The following DGKE variants were observed in gnomAD, a reference collection of about 807,000 sequenced individuals.
DGKE encodes the protein diacylglycerol kinase epsilon, also known as DAG kinase epsilon.
Under a neutral mutation model 70.0 loss-of-function variants are expected in DGKE, and 53 were observed. The ratio of observed to expected loss-of-function variants is 0.76; its 90% CI spans 0.61 to 0.95. The LOEUF (loss-of-function observed/expected upper bound fraction) is 0.95. Among genes scored for constraint, DGKE ranks in the 40% least tolerant of loss-of-function variants. DGKE has a pLI of 0.00. For synonymous variants in DGKE, 291 were observed against 257.0 expected (o/e 1.13, Z -1.27); for missense variants, 655 against 706.9 (o/e 0.93, Z 0.83).
intron 7 of DGKE, among the ~76,000 whole-genome samples, chr17:56,853,048 G>T (rs1159295411): frequency 1.3e-5 from 2 of 152,138 alleles, no homozygotes; most frequent in Non-Finnish European, 2.9e-5. Context: ...GATTTCAGAT[G>T]TTCATATTAG....
Position 56,866,787 on chromosome 17 carries a change from T to C in DGKE, c.*3996T>C, listed in dbSNP as rs979663770. On this transcript the variant is annotated 3_prime_UTR_variant, in exon 12 of 12. Coordinates refer to ENST00000284061, the MANE Select transcript of DGKE (RefSeq NM_003647.3). ...TGTATACTGAGTGCTGCTTCAGATC[T>C]CAGTAGATAAAATAATTCCACATTT... 5.9e-5 allele frequency: 9 copies of C among 152,256 alleles called. No individual in the cohort carries two copies. Among genetic ancestry groups the C allele is most frequent in the Admixed American group, 3.9e-4 (6 of 15,280 alleles). The allele number at this position is 152,256 out of a possible 1,614,324, so 9.4% of individuals were successfully genotyped here.
chr17:56,855,820 A>G (rs575876599), intron 7 of DGKE, among the ~76,000 whole-genome samples: 1 of 152,112 alleles, frequency 6.6e-6, no homozygotes, highest in Non-Finnish European at 1.5e-5. Context: ...CCTGGCCAAC[A>G]TGGTGAAACC....
intron 10 of DGKE, 101 bp from the exon 11 acceptor site, chr17:56,862,038 AT>A: frequency 1.3e-6 from 2 of 1,531,776 alleles, no homozygotes; most frequent in Non-Finnish European, 1.8e-6. Context: ...AGTTATAAAT[AT>A]TTTTTAAGTT....
chr17:56,835,227 G>A lies in DGKE; in HGVS notation c.432G>A (p.Gln144=). ...LCSYCMVCKQ[Q]CGCQPKLCDY... Reference sequence around the variant, plus strand: ...GTTACTGTATGGTTTGCAAGCAGCAGTGTGGCTGTCAACCCAAGCTTTGCG... The same window carrying A: ...GTTACTGTATGGTTTGCAAGCAGCAATGTGGCTGTCAACCCAAGCTTTGCG... The change falls in exon 2 of 12, where the codon CAG becomes CAA. Residue 144 remains glutamine, a synonymous_variant. Transcript: ENST00000284061. 1 of 1,613,134 alleles carries A rather than the reference G, an allele frequency of 6.2e-7. No individual in the cohort carries two copies. The highest frequency in any genetic ancestry group is 8.5e-7 in the Non-Finnish European group (1 of 1,179,848).
In DGKE at chr17:56,863,566, C is replaced by T. The variant is rs886919416; in HGVS notation, c.*775C>T. 1 of 152,080 alleles carries T rather than the reference C, an allele frequency of 6.6e-6. No individual in the cohort carries two copies. Among genetic ancestry groups the T allele is most frequent in the African/African-American group, 2.4e-5 (1 of 41,406 alleles). The allele number at this position is 152,080 out of a possible 1,614,324, so 9.4% of individuals were successfully genotyped here. On this transcript the variant is annotated 3_prime_UTR_variant, in exon 12 of 12. Coordinates refer to ENST00000284061, the MANE Select transcript of DGKE (RefSeq NM_003647.3). The stretch of plus-strand genomic sequence containing the variant: ...GTTCTGAGCTGAACTGTTTATCAGC[C>T]GCTCTTTTTATTAAAAGACAGTGTC...
chr17:56,862,375 G>A (rs981127798), intron 11 of DGKE, 124 bp downstream of exon 11: 1 of 995,432 alleles, frequency 1.0e-6, no homozygotes, highest in Non-Finnish European at 1.5e-6. Context: ...GCTGGTCACT[G>A]TACACTAGCG....
chr17:56,855,986 A>G (rs908289531), intron 7 of DGKE, among the ~76,000 whole-genome samples: 9 of 146,740 alleles, frequency 6.1e-5, no homozygotes, highest in African/African-American at 2.3e-4. Flanking sequence ...AGCCAGGGCG[A>G]CAGTCCGAGA....
chr17:56,856,990 C>G (rs1041478484), intron 8 of DGKE, among the ~76,000 whole-genome samples: 2 of 151,760 alleles, frequency 1.3e-5, no homozygotes, highest in Admixed American at 1.3e-4. Flanking sequence ...CCCAGCCACT[C>G]GGGAGGCTGA....
At chr17:56,843,814 A>AAAAAAGG (rs1567812776) in intron 2 of DGKE, among the ~76,000 whole-genome samples, 2 of 151,498 alleles carry the variant, frequency 1.3e-5, no homozygotes, top group East Asian at 1.9e-4. Flanking sequence ...AAAAAAAAAA[A>AAAAAAGG]GTGCTGTTAG....
At chr17:56,838,745 T>G (rs551066968) in intron 2 of DGKE, 26 of 152,332 alleles carry the variant, frequency 1.7e-4, no homozygotes, top group Non-Finnish European at 2.8e-4. Context: ...ATTCCATATT[T>G]TCATATGAAG....
chr17:56,836,351 A>G (rs191393678), intron 2 of DGKE: 2 of 152,370 alleles, frequency 1.3e-5, no homozygotes, highest in Admixed American at 1.3e-4. Flanking sequence ...ATTCTAGACA[A>G]CTACAAAGTT....
chr17:56,842,358 AT>A, intron 2 of DGKE, among the ~76,000 whole-genome samples: 1 of 152,324 alleles, frequency 6.6e-6, no homozygotes, highest in Non-Finnish European at 1.5e-5. Flanking sequence ...TAAAAACTTA[AT>A]ATTCTTCCCA....
intron 9 of DGKE, 99 bp downstream of exon 9, chr17:56,858,764 C>A: frequency 1.1e-6 from 1 of 908,900 alleles, no homozygotes; most frequent in South Asian, 1.8e-5. Context: ...ATATATTTTG[C>A]CAGCATACAT....
In DGKE at chr17:56,858,668, A is replaced by G. The variant is rs764365359; in HGVS notation, c.1284+3A>G. On this transcript the variant is annotated splice_donor_region_variant and intron_variant, in intron 9 of 11. Coordinates refer to ENST00000284061, the MANE Select transcript of DGKE (RefSeq NM_003647.3). Reference sequence around the variant, plus strand: ...AAGATTTGAATAAAAAAGTTGAGGTAAGCTATTAACACTTTTTATTTTTTA... The same window carrying G: ...AAGATTTGAATAAAAAAGTTGAGGTGAGCTATTAACACTTTTTATTTTTTA... The G allele has an allele frequency of 6.3e-7, 1 of 1,594,242 alleles. No individual in the cohort carries two copies. The highest frequency in any genetic ancestry group is 1.1e-5 in the South Asian group (1 of 87,818).
intron 6 of DGKE, 57 bp downstream of exon 6, chr17:56,848,910 C>T (rs1388230324): frequency 6.2e-7 from 1 of 1,604,612 alleles, no homozygotes; most frequent in East Asian, 2.2e-5. Flanking sequence ...AATTGGTTAA[C>T]AAGTGAAGAC....
In DGKE at chr17:56,868,182, C is replaced by G. The variant is rs1249578374; in HGVS notation, c.*5391C>G. On this transcript the variant is annotated 3_prime_UTR_variant, in exon 12 of 12. Coordinates refer to ENST00000284061, the MANE Select transcript of DGKE (RefSeq NM_003647.3). ...TGTCCAGGCAAGAGGGCATCCTGAT[C>G]AGATGAGTAGATTTGGCTGAGAAAA... 6.6e-6 allele frequency: 1 copy of G among 152,252 alleles called. No individual in the cohort carries two copies. Among genetic ancestry groups the G allele is most frequent in the Non-Finnish European group, 1.5e-5 (1 of 68,052 alleles). The allele number at this position is 152,252 out of a possible 1,614,324, so 9.4% of individuals were successfully genotyped here. A position where few individuals can be genotyped will look rare whatever the true frequency, so the allele number is the denominator to read the frequency against.
rs1490094502 is a variant in DGKE, at chr17:56,843,977, A to T, written c.465-42A>T. 3 of 1,503,490 alleles carry T rather than the reference A, an allele frequency of 2.0e-6. No individual in the cohort carries two copies. The East Asian group carries it at 7.7e-5, about 38-fold the overall frequency. 93.1% of individuals were successfully genotyped at this position (1,503,490 alleles called of 1,614,324 possible). On this transcript the variant is annotated intron_variant, in intron 2 of 11. Transcript: ENST00000284061. ...TGTTTTGTGGGTTATCATTGAGATT[A>T]TGGTTTAAAATTAGTTAATGCTTGT...
chr17:56,834,945 C>T lies in DGKE; in HGVS notation c.150C>T (p.His50=). 6.2e-7 allele frequency: 1 copy of T among 1,613,284 alleles called. No individual in the cohort carries two copies. The highest frequency in any genetic ancestry group is 8.5e-7 in the Non-Finnish European group (1 of 1,179,936). ...CSLQRSRRQL[H]RRDIFRKSKH... is the part of the protein sequence containing the mutation. ...TCCAGCGGTCGCGCCGGCAGCTGCA[C>T]CGCAGGGACATCTTCCGCAAGAGCA... The change falls in exon 2 of 12, where the codon CAC becomes CAT. Residue 50 remains histidine (H), a synonymous_variant. Transcript: ENST00000284061.
chr17:56,854,209 A>C (rs1907812864), intron 7 of DGKE, among the ~76,000 whole-genome samples: 1 of 152,162 alleles, frequency 6.6e-6, no homozygotes, highest in Non-Finnish European at 1.5e-5. Context: ...AATAGGTACA[A>C]AGTTTTAGTT....
Sources: allele counts gnomAD v4.1 joint callset (sites outside exome capture counted in the v4.1 genomes callset), GRCh38; gene constraint gnomAD v4.1.1; transcripts MANE v1.5; gene names NCBI Gene and HGNC (gene_info 2026-07-23, HGNC 2026-07-21).